The following TGM3 variants were observed in gnomAD, a reference collection of about 807,000 sequenced individuals.
TGM3 encodes the protein transglutaminase 3, also known as protein-glutamine gamma-glutamyltransferase E.
A neutral mutation model predicts 73.8 loss-of-function variants in TGM3; 52 were observed. The ratio of observed to expected loss-of-function variants is 0.70; its 90% confidence interval spans 0.56 to 0.89. The LOEUF (loss-of-function observed/expected upper bound fraction) is 0.89. Ranked by LOEUF, TGM3 falls within the 40% of genes least tolerant of loss-of-function variation. The pLI is 0.00. For missense variants in TGM3, 928 were observed against 909.9 expected, an observed-to-expected ratio of 1.02 and a Z score of -0.26; for synonymous variants, 372 against 354.9, an observed-to-expected ratio of 1.05 and a Z score of -0.54.
chr20:2,340,062 G>GGA, intron 12 of TGM3, 75 bp downstream of exon 12: 1 of 1,484,924 alleles, frequency 6.7e-7, no homozygotes, highest in Non-Finnish European at 9.2e-7. Context: ...CCCTGGGTGG[G>GGA]ACAGACAGAG....
At chr20:2,318,452 TA>T (rs1433034132) in intron 7 of TGM3, among the ~76,000 whole-genome samples, 2 of 152,228 alleles carry the variant, frequency 1.3e-5, no homozygotes, top group East Asian at 3.8e-4. Flanking sequence ...CATATATCTG[TA>T]ACTGCATAGA....
rs1300547978 is a variant in TGM3 at position 2,328,136 on chromosome 20, C to T, written c.1104C>T (p.Gly368=). The T allele has an allele frequency of 1.2e-6, 2 of 1,614,158 alleles. No homozygotes were observed. The highest frequency in any genetic ancestry group is 2.2e-5 in the East Asian group (1 of 44,874). The part of the protein sequence containing the change: ...QERSQGVFQC[G]PASVIGVREG... ...GGCCTCCAGGGGTGTTCCAGTGCGG[C>T]CCCGCTTCGGTCATTGGTGTTCGAG... is the stretch of plus-strand genomic sequence containing the variant. The change falls in exon 9 of 13, where the codon GGC becomes GGT. Residue 368 remains glycine (G), a synonymous_variant. Coordinates refer to ENST00000381458, the MANE Select transcript of TGM3 (RefSeq NM_003245.4). This position sits in a 1 kb window ranked among gnomAD's most constrained non-coding sequence, Gnocchi z 5.2.
At position 2,312,933 on chromosome 20, in the gene TGM3, C is replaced by T. The variant is rs922245940; in HGVS notation, c.576C>T (p.Ile192=). Residue 192 remains isoleucine, a synonymous_variant, in exon 5 of 13, where the codon ATC becomes ATT. Coordinates refer to ENST00000381458, the MANE Select transcript of TGM3 (RefSeq NM_003245.4). The part of the protein sequence containing the change: ...EEDILSICLS[I]LDRSLNFRRD... The stretch of plus-strand genomic sequence containing the variant: ...ACATTCTCAGCATCTGCCTCTCAAT[C>T]TTGGATAGGAGTCTGAATTTCCGCC... The T allele has an allele frequency of 1.2e-6, 2 of 1,614,176 alleles. No individual in the cohort carries two copies. Among genetic ancestry groups the T allele is most frequent in the Non-Finnish European group, 1.7e-6 (2 of 1,180,034 alleles).
At chr20:2,301,640 A>G (rs994228796) in intron 1 of TGM3, among the ~76,000 whole-genome samples, 8 of 151,972 alleles carry the variant, frequency 5.3e-5, no homozygotes, top group Admixed American at 1.3e-4. Flanking sequence ...AAAGACTATT[A>G]GATAGATTTC....
chr20:2,323,897 G>T (rs2084274013), intron 7 of TGM3, among the ~76,000 whole-genome samples: 1 of 152,090 alleles, frequency 6.6e-6, no homozygotes, highest in Admixed American at 6.6e-5. Context: ...TGCTATTTAT[G>T]GGCATGTTTT....
At chr20:2,316,590 TA>T (rs2084234226) in intron 5 of TGM3, among the ~76,000 whole-genome samples, 1 of 150,576 alleles carries the variant, frequency 6.6e-6, no homozygotes, top group South Asian at 2.1e-4. Flanking sequence ...TAAATAATAA[TA>T]AATAAATAAA....
chr20:2,313,487 T>C (rs541276248), intron 5 of TGM3, among the ~76,000 whole-genome samples: 32 of 152,256 alleles, frequency 2.1e-4, no homozygotes, highest in African/African-American at 7.0e-4. Flanking sequence ...TGTCAGATGG[T>C]AGGCTGCCTC....
intron 7 of TGM3, among the ~76,000 whole-genome samples, chr20:2,320,539 A>G (rs2084256883): frequency 6.6e-6 from 1 of 152,202 alleles, no homozygotes; most frequent in African/African-American, 2.4e-5. Context: ...TGTAAAACAA[A>G]GGGCCAGATC....
At chr20:2,313,056 T>C (rs2084215545) in intron 5 of TGM3, 30 bp downstream of exon 5, 2 of 1,613,582 alleles carry the variant, frequency 1.2e-6, no homozygotes, top group Non-Finnish European at 1.7e-6. Context: ...TCACAGCTAG[T>C]TGTCATCATA....
At chr20:2,321,949 T>C (rs1407684927) in intron 7 of TGM3, among the ~76,000 whole-genome samples, 1 of 141,452 alleles carries the variant, frequency 7.1e-6, no homozygotes, top group Non-Finnish European at 1.6e-5. Context: ...ACTTATCAAT[T>C]TTTTTTTTTT....
At position 2,310,299 on chromosome 20, in the gene TGM3, C is replaced by T; in HGVS notation, c.303C>T (p.Ser101=). The T allele has an allele frequency of 1.9e-6, 3 of 1,614,224 alleles. No homozygotes were observed. In the South Asian group the frequency reaches 3.3e-5, roughly 18 times the overall value. ...SNGNTLTISI[S]SPASAPIGRY... ...GCAATACTCTGACTATCAGCATCTC[C>T]AGTCCTGCCAGCGCACCCATAGGAC... The change falls in exon 3 of 13, where the codon TCC becomes TCT. Residue 101 remains serine (S), a synonymous_variant. Coordinates refer to ENST00000381458, the MANE Select transcript of TGM3 (RefSeq NM_003245.4).
intron 12 of TGM3, 46 bp downstream of exon 12, chr20:2,340,033 C>CGGGGCCGGGGGGGGGGGGGGGGGG: frequency 5.1e-6 from 1 of 196,588 alleles, no homozygotes; most frequent in Non-Finnish European, 9.7e-6. Flanking sequence ...CGGGAGGGGG[C>CGGGGCCGGGGGGGGGGGGGGGGGG]GGGGGGGCCC....
chr20:2,310,811 C>G (rs779737485), intron 3 of TGM3, among the ~76,000 whole-genome samples, 200 bp from the exon 4 acceptor site: 1 of 152,176 alleles, frequency 6.6e-6, no homozygotes, highest in South Asian at 2.1e-4. Flanking sequence ...TTCAGACCCT[C>G]GGGTCATCCT....
intron 1 of TGM3, among the ~76,000 whole-genome samples, chr20:2,299,405 C>T (rs2122204149): frequency 6.8e-6 from 1 of 147,728 alleles, no homozygotes; most frequent in African/African-American, 2.5e-5. Flanking sequence ...TGCCTGAGCA[C>T]TCCCCTTGTT....
intron 11 of TGM3, among the ~76,000 whole-genome samples, chr20:2,339,061 G>T (rs1459074167): frequency 2.6e-5 from 4 of 152,244 alleles, no homozygotes; most frequent in East Asian, 3.9e-4. Flanking sequence ...TTAGAGCTCC[G>T]CTCAGACTAT....
At chr20:2,317,028 A>G in intron 5 of TGM3, 40 bp from the exon 6 acceptor site, 1 of 1,607,882 alleles carries the variant, frequency 6.2e-7, no homozygotes, top group African/African-American at 1.3e-5. Flanking sequence ...TAGGAAAGGC[A>G]TTAGTGCTGA....
chr20:2,335,959 G>C (rs970955446), intron 11 of TGM3, among the ~76,000 whole-genome samples: 1 of 152,252 alleles, frequency 6.6e-6, no homozygotes. Context: ...CCCAGCCCAT[G>C]CCCCTCCAAG....
At chr20:2,307,790 G>T (rs1198334837) in intron 1 of TGM3, among the ~76,000 whole-genome samples, 1 of 152,060 alleles carries the variant, frequency 6.6e-6, no homozygotes, top group African/African-American at 2.4e-5. Flanking sequence ...TTTCCTTGTA[G>T]ACTAAATTTT....
At chr20:2,340,392 C>T (rs987467413) in intron 12 of TGM3, 42 bp from the exon 13 acceptor site, 57 of 1,611,004 alleles carry the variant, frequency 3.5e-5, no homozygotes, top group Non-Finnish European at 4.8e-5. Flanking sequence ...GCCCAAGGTC[C>T]GTGTGTCTCG....
Sources: allele counts gnomAD v4.1 joint callset (sites outside exome capture counted in the v4.1 genomes callset), GRCh38; gene constraint gnomAD v4.1.1; non-coding constraint Gnocchi (gnomAD v3.1); transcripts MANE v1.5; gene names NCBI Gene and HGNC (gene_info 2026-07-23, HGNC 2026-07-21).